The following TYW1 variants were observed in gnomAD, a reference collection of about 807,000 sequenced individuals.
The protein encoded by TYW1 is S-adenosyl-L-methionine-dependent tRNA 4-demethylwyosine synthase TYW1.
In TYW1, 46 loss-of-function variants were observed where a neutral mutation model predicts 96.2. The observed-to-expected ratio is 0.48, with a 90% confidence interval of 0.38 to 0.61. The LOEUF (loss-of-function observed/expected upper bound fraction) is 0.61, where lower values mean the gene tolerates loss of function less well. Ranked by LOEUF, TYW1 falls within the 20% of genes least tolerant of loss-of-function variation. The pLI is 0.00. For missense variants in TYW1, 684 were observed against 909.6 expected (o/e 0.75, Z 3.19); for synonymous variants, 274 against 323.0 (o/e 0.85, Z 1.63).
At chr7:67,014,624 C>A in intron 5 of TYW1, 63 bp downstream of exon 5, 5 of 1,545,944 alleles carry the variant, frequency 3.2e-6, no homozygotes, top group Non-Finnish European at 4.4e-6. Flanking sequence ...CGCACACACA[C>A]GTAAACACAC....
At chr7:67,145,374 C>T (rs548549839) in intron 13 of TYW1, among the ~76,000 whole-genome samples, 22 of 152,142 alleles carry the variant, frequency 1.4e-4, no homozygotes, top group African/African-American at 3.6e-4. Flanking sequence ...TGGTCTCGAT[C>T]TCCTGACCTC....
At chr7:67,156,791 G>A (rs1368721642) in intron 13 of TYW1, among the ~76,000 whole-genome samples, 2 of 151,606 alleles carry the variant, frequency 1.3e-5, no homozygotes, top group East Asian at 3.9e-4. Flanking sequence ...AGTTGCTTGG[G>A]GCTCCTGGTG....
intron 11 of TYW1, among the ~76,000 whole-genome samples, chr7:67,094,332 T>A (rs959142029): frequency 2.0e-5 from 3 of 152,296 alleles, no homozygotes; most frequent in South Asian, 2.1e-4. Flanking sequence ...GGTTTTTTTT[T>A]AATATAATGA....
At position 67,238,531 on chromosome 7, in the gene TYW1, A is replaced by T; in HGVS notation, c.*2A>T. On this transcript the variant is annotated 3_prime_UTR_variant, in exon 16 of 16. Coordinates refer to ENST00000359626, the MANE Select transcript of TYW1 (RefSeq NM_018264.4). ...TCAAAGGCTATTTCTGGATGTTGAG[A>T]TTATCTGATTTCAAGGTACTGAAGG... 1.2e-6 allele frequency: 2 copies of T among 1,608,270 alleles called. No individual in the cohort carries two copies. The highest frequency in any genetic ancestry group is 1.7e-6 in the Non-Finnish European group (2 of 1,177,536).
At chr7:67,202,359 T>A (rs1345960058) in intron 15 of TYW1, among the ~76,000 whole-genome samples, 1 of 152,114 alleles carries the variant, frequency 6.6e-6, no homozygotes, top group African/African-American at 2.4e-5. Context: ...AATACCTGTT[T>A]ATCATTCTCA....
chr7:67,189,304 G>T (rs930285508), intron 14 of TYW1, among the ~76,000 whole-genome samples: 21 of 139,446 alleles, frequency 1.5e-4, no homozygotes, highest in African/African-American at 4.3e-4. Flanking sequence ...TTATGTGTGT[G>T]GTGTGTGTGC....
In TYW1 at chr7:67,029,295, GAC is replaced by G. The variant is rs1225146712; in HGVS notation, c.984+4274_984+4275del. ...CTACCGCGCCCGGCTGGCTGATATG[GAC>G]TTAAGATTTAAAAAAATGATGTGGA... On this transcript the variant is annotated intron_variant, in intron 7 of 15. Transcript: ENST00000359626. 4.4e-3 allele frequency among the ~76,000 whole-genome samples: 330 copies of G among 75,390 alleles called. 1 individual carries two copies. Among genetic ancestry groups the G allele is most frequent in the African/African-American group, 0.013 (302 of 23,222 alleles). 49.5% of individuals were successfully genotyped at this position (75,390 alleles called of 152,430 possible).
intron 9 of TYW1, among the ~76,000 whole-genome samples, chr7:67,061,435 C>A (rs1056998815): frequency 3.9e-5 from 6 of 152,030 alleles, no homozygotes; most frequent in Non-Finnish European, 8.8e-5. Context: ...CTTTTTCTTC[C>A]CACATTGATC....
At chr7:67,182,001 G>C (rs1799857528) in intron 13 of TYW1, among the ~76,000 whole-genome samples, 1 of 151,976 alleles carries the variant, frequency 6.6e-6, no homozygotes, top group African/African-American at 2.4e-5. Flanking sequence ...GCTCATTTTT[G>C]TATTTTTAGT....
intron 15 of TYW1, among the ~76,000 whole-genome samples, chr7:67,219,753 C>T (rs1218339125): frequency 2.0e-5 from 3 of 148,740 alleles, no homozygotes; most frequent in Admixed American, 6.7e-5. Context: ...TTTGGTAATT[C>T]GAGTCTTATT....
At chr7:67,154,654 A>G (rs1057343915) in intron 13 of TYW1, among the ~76,000 whole-genome samples, 4 of 152,176 alleles carry the variant, frequency 2.6e-5, no homozygotes, top group African/African-American at 7.2e-5. Flanking sequence ...GTGTGCCTAG[A>G]GAAGACCTTT....
intron 9 of TYW1, among the ~76,000 whole-genome samples, chr7:67,063,713 C>T (rs1031032231): frequency 2.6e-5 from 4 of 152,006 alleles, no homozygotes; most frequent in African/African-American, 9.7e-5. Flanking sequence ...CCGTCATTCT[C>T]CTGCCTCAGC....
intron 9 of TYW1, among the ~76,000 whole-genome samples, chr7:67,060,621 T>C (rs1795667217): frequency 6.6e-6 from 1 of 152,240 alleles, no homozygotes; most frequent in Non-Finnish European, 1.5e-5. Flanking sequence ...ACAGACATTT[T>C]CTTATTTAAT....
At chr7:67,052,497 A>C (rs1409182701) in intron 8 of TYW1, among the ~76,000 whole-genome samples, 1 of 152,116 alleles carries the variant, frequency 6.6e-6, no homozygotes, top group Non-Finnish European at 1.5e-5. Context: ...CTAGAAGTTC[A>C]GTTTGGGTCT....
intron 13 of TYW1, among the ~76,000 whole-genome samples, chr7:67,145,442 C>A (rs1178301758): frequency 5.3e-5 from 8 of 152,138 alleles, no homozygotes; most frequent in Admixed American, 6.5e-5. Context: ...AGCCACCGCG[C>A]CTGACTGGTT....
chr7:67,222,220 A>G (rs28749249), intron 15 of TYW1, among the ~76,000 whole-genome samples: 40,780 of 152,096 alleles, frequency 0.27, 5,831 homozygotes, highest in African/African-American at 0.36. Context: ...GAAAAGAAAA[A>G]AATATAGAGT....
intron 12 of TYW1, among the ~76,000 whole-genome samples, chr7:67,099,869 G>T (rs1199924392): frequency 6.6e-6 from 1 of 152,114 alleles, no homozygotes; most frequent in Non-Finnish European, 1.5e-5. Context: ...GGGCATGATG[G>T]TGCATGCCTG....
chr7:67,129,494 T>G (rs533372250), intron 13 of TYW1, among the ~76,000 whole-genome samples: 2 of 152,362 alleles, frequency 1.3e-5, no homozygotes, highest in South Asian at 4.1e-4. Flanking sequence ...TGGAGGTTTC[T>G]GCTCCTGTTA....
At chr7:67,207,227 G>C (rs1225682559) in intron 15 of TYW1, among the ~76,000 whole-genome samples, 1 of 152,184 alleles carries the variant, frequency 6.6e-6, no homozygotes, top group African/African-American at 2.4e-5. Context: ...ACTTTCTAGA[G>C]TAACTGGTAC....
Sources: gnomAD v4.1 joint callset for allele counts (sites outside exome capture counted in the v4.1 genomes callset) on GRCh38, gnomAD v4.1.1 for gene constraint, MANE v1.5 for transcripts, NCBI Gene and HGNC (gene_info 2026-07-23, HGNC 2026-07-21) for gene names.